Variants in IQSEC1 observed in about 807,000 individuals in gnomAD.
IQSEC1 encodes IQ motif and SEC7 domain-containing protein 1.
A neutral mutation model predicts 91.0 loss-of-function variants in IQSEC1; 31 were observed. The observed-to-expected ratio is 0.34, with a 90% CI of 0.26 to 0.46. IQSEC1 has a LOEUF of 0.46. Ranked by LOEUF, IQSEC1 falls within the 20% of genes least tolerant of loss-of-function variation. The probability of loss-of-function intolerance (pLI) is 1.00; values close to 1 mark genes in which losing one functional copy is unlikely to be tolerated. For missense variants in IQSEC1, 1,388 were observed against 1,575.6 expected (o/e 0.88, Z 2.02); for synonymous variants, 699 against 662.6 (o/e 1.05, Z -0.84).
chr3:13,202,988 G>T (rs1694271303), intron 1 of IQSEC1, among the ~76,000 whole-genome samples: 1 of 152,138 alleles, frequency 6.6e-6, no homozygotes, highest in African/African-American at 2.4e-5. Context: ...TTCACAGATG[G>T]CCCTCTGCCT....
rs576110835 is a variant in IQSEC1 at position 13,245,157 on chromosome 3, C to G, written c.272+37554G>C. On this transcript the variant is annotated intron_variant, in intron 1 of 15. Coordinates refer to the IQSEC1 transcript ENST00000648114. ...ATCGAGTCTGGGCTCGCTCATGTGT[C>G]TGTGGGCTGCCGGCAGCTCAGCAAG... is the stretch of plus-strand genomic sequence containing the variant. Among the ~76,000 whole-genome samples the G allele has an allele frequency of 1.4e-3, 214 of 152,284 alleles. 1 individual carries two copies. In the South Asian group the frequency reaches 0.023, roughly 16 times the overall value.
intron 9 of IQSEC1, 41 bp from the exon 10 acceptor site, chr3:12,911,769 G>A (rs1441075046): frequency 7.3e-7 from 1 of 1,371,622 alleles, no homozygotes; most frequent in South Asian, 1.2e-5. Context: ...CAGTGTCTCG[G>A]GGGGCACTGA....
chr3:12,950,332 C>T (rs940367070), intron 1 of IQSEC1, among the ~76,000 whole-genome samples: 1 of 152,146 alleles, frequency 6.6e-6, no homozygotes, highest in African/African-American at 2.4e-5. Context: ...TGCAAGGATA[C>T]AAAGAAATGG....
upstream of IQSEC1, among the ~76,000 whole-genome samples, chr3:13,077,595 A>G (rs1381023853): frequency 6.6e-6 from 1 of 152,214 alleles, no homozygotes; most frequent in Non-Finnish European, 1.5e-5. Context: ...CTAATCATAG[A>G]CATGGGCTCG....
chr3:13,195,752 G>A lies in IQSEC1; in HGVS notation c.273-31619C>T, dbSNP rs779799274. 1.6e-4 allele frequency among the ~76,000 whole-genome samples: 25 copies of A among 152,298 alleles called. 1 individual carries two copies. Among genetic ancestry groups the A allele is most frequent in the South Asian group, 4.1e-4 (2 of 4,822 alleles). On this transcript the variant is annotated intron_variant, in intron 1 of 15. Transcript: ENST00000648114. ...GAGGGGTTCCTGTGGTCCTGAAACC[G>A]TTCTGCATCTTGACGGTGGTGGTGG...
At chr3:13,060,851 T>G (rs893536777) in intron 1 of IQSEC1, among the ~76,000 whole-genome samples, 3 of 152,230 alleles carry the variant, frequency 2.0e-5, no homozygotes, top group Non-Finnish European at 4.4e-5. Context: ...AACACAGGGC[T>G]ACGCCCAGGC....
At position 13,143,264 on chromosome 3, in the gene IQSEC1, G is replaced by A. The variant is rs145417615; in HGVS notation, c.302+20840C>T. On this transcript the variant is annotated intron_variant, in intron 2 of 15. Coordinates refer to the IQSEC1 transcript ENST00000648114. ...CTGATGGCACCAGGAGAAGGAGCAG[G>A]CCTCGAAGCTGGGGGTGGTGGGGAC... Among the ~76,000 whole-genome samples, 476 of 152,342 alleles carry A rather than the reference G, an allele frequency of 3.1e-3. 3 individuals carry two copies. The highest frequency in any genetic ancestry group is 0.018 in the South Asian group (89 of 4,830).
chr3:13,061,473 T>A (rs1268244608), intron 1 of IQSEC1, among the ~76,000 whole-genome samples: 2 of 152,178 alleles, frequency 1.3e-5, no homozygotes, highest in African/African-American at 4.8e-5. Flanking sequence ...AAGAGGGGGA[T>A]GTGCCAGCCC....
rs760462253 is a variant in IQSEC1 at position 12,901,252 on chromosome 3, C to T, written c.3076G>A (p.Gly1026Arg). The T allele has an allele frequency of 1.7e-5, 26 of 1,545,574 alleles. No individual in the cohort carries two copies. The highest frequency in any genetic ancestry group is 1.7e-4 in the Middle Eastern group (1 of 5,888). Residue 1026 changes from glycine (G) to arginine (R), a missense_variant, in exon 14 of 14, where the codon GGG becomes AGG. Transcript: ENST00000613206. Reference sequence around the variant, plus strand: ...ATGTGGCAGTACTGGGTGTGATGCCCGTGCATGGCGGCCTGCGGCAGCCCC... The same window carrying T: ...ATGTGGCAGTACTGGGTGTGATGCCTGTGCATGGCGGCCTGCGGCAGCCCC... ...PEGLPQAAMHGHHTQYCHMQN... is the reference protein window; with the variant it reads ...PEGLPQAAMHRHHTQYCHMQN...
chr3:13,184,853 G>A (rs1002693847), intron 1 of IQSEC1, among the ~76,000 whole-genome samples: 2 of 152,188 alleles, frequency 1.3e-5, no homozygotes, highest in African/African-American at 4.8e-5. Context: ...AAACACAGAC[G>A]CTAGTTCGGG....
intron 1 of IQSEC1, among the ~76,000 whole-genome samples, chr3:12,981,335 T>C (rs185574795): frequency 2.9e-4 from 44 of 152,344 alleles, no homozygotes; most frequent in Admixed American, 2.3e-3. Context: ...TCAGACTGTG[T>C]GTATGGCATT....
rs1446419360 is a variant in IQSEC1 at position 12,908,470 on chromosome 3, G to T, written c.2634C>A (p.Ser878Arg). ...TTCCGTTGCCCGACTCCTTTTTGAG[G>T]CTAGAGCACTGGGACATGCTGGGCC... ...VVRPSMSQCS[S>R]LKKESGNGTL... Residue 878 changes from serine (S) to arginine (R), a missense_variant, in exon 12 of 14, where the codon AGC becomes AGA. Physicochemically the swap from Ser to Arg is moderately radical, Grantham distance 110. Transcript: ENST00000613206. The surrounding 1 kb of genome is among the most constrained non-coding windows in gnomAD (Gnocchi z 4.9). The T allele has an allele frequency of 1.9e-6, 3 of 1,613,478 alleles. No individual in the cohort carries two copies. In the African/African-American group the frequency reaches 4.0e-5, roughly 22 times the overall value.
At chr3:13,263,396 G>C (rs1364057971) in intron 1 of IQSEC1, among the ~76,000 whole-genome samples, 2 of 142,804 alleles carry the variant, frequency 1.4e-5, no homozygotes, top group South Asian at 2.3e-4. Context: ...CCCTCCTTTG[G>C]GGGGAAAAAA....
At chr3:12,921,304 G>A (rs1354985328) in intron 5 of IQSEC1, among the ~76,000 whole-genome samples, 1 of 152,176 alleles carries the variant, frequency 6.6e-6, no homozygotes, top group Non-Finnish European at 1.5e-5. Flanking sequence ...GGAGGTGGGT[G>A]CACCTTGCCT....
chr3:13,054,915 A>G (rs1704821041), intron 1 of IQSEC1, among the ~76,000 whole-genome samples: 1 of 152,196 alleles, frequency 6.6e-6, no homozygotes, highest in South Asian at 2.1e-4. Context: ...CAGAGGTTAC[A>G]GCGAGGCTCC....
intron 1 of IQSEC1, among the ~76,000 whole-genome samples, chr3:13,036,412 C>G (rs1307671729): frequency 6.6e-6 from 1 of 152,156 alleles, no homozygotes. Flanking sequence ...AGCCACTTAG[C>G]ACATATAAAC....
intron 1 of IQSEC1, among the ~76,000 whole-genome samples, chr3:13,273,349 G>T (rs944445226): frequency 1.1e-4 from 16 of 152,342 alleles, no homozygotes; most frequent in Non-Finnish European, 1.8e-4. Flanking sequence ...TGAAAGAGGG[G>T]AGTGGCCTGG....
chr3:13,089,875 C>T (rs1283112995), intron 2 of IQSEC1, among the ~76,000 whole-genome samples: 2 of 152,194 alleles, frequency 1.3e-5, no homozygotes, highest in East Asian at 3.9e-4. Flanking sequence ...GGTTGTGCAA[C>T]TCAGTGAATT....
In IQSEC1 at chr3:12,909,452, A is replaced by G; in HGVS notation, c.2417-18T>C. On this transcript the variant is annotated intron_variant, in intron 10 of 13. Coordinates refer to ENST00000613206, the MANE Select transcript of IQSEC1 (RefSeq NM_001134382.3). This position sits in a 1 kb window ranked among gnomAD's most constrained non-coding sequence, Gnocchi z 4.9. ...GGGGTAGTCTGCAAAAGGGAAGGAG[A>G]GGGGAGGAGGCCCACGGGTCTCAGT... The G allele has an allele frequency of 2.5e-6, 4 of 1,610,378 alleles. No homozygotes were observed. The highest frequency in any genetic ancestry group is 2.5e-6 in the Non-Finnish European group (3 of 1,177,624).
Sources: gnomAD v4.1 joint callset for allele counts (sites outside exome capture counted in the v4.1 genomes callset) on GRCh38, gnomAD v4.1.1 for gene constraint, Gnocchi (gnomAD v3.1) non-coding constraint, MANE v1.5 for transcripts, NCBI Gene and HGNC (gene_info 2026-07-23, HGNC 2026-07-21) for gene names.